Variants in CFAP299 observed in about 807,000 individuals in gnomAD.
CFAP299 encodes cilia- and flagella-associated protein 299.
In CFAP299, 21 loss-of-function variants were observed where a neutral mutation model predicts 27.0. That is an observed-to-expected ratio of 0.78 (90% CI 0.55 to 1.12). The LOEUF is 1.12. Ranked by LOEUF, CFAP299 falls within the 50% of genes most tolerant of loss-of-function variation. The pLI, the probability that CFAP299 is intolerant of heterozygous loss-of-function variation, is 0.00. For missense variants in CFAP299, 310 were observed against 276.6 expected, an observed-to-expected ratio of 1.12 and a Z score of -0.86; for synonymous variants, 104 against 98.1, an observed-to-expected ratio of 1.06 and a Z score of -0.36.
chr4:80,629,510 T>C (rs1739095406), intron 3 of CFAP299, among the ~76,000 whole-genome samples: 1 of 152,110 alleles, frequency 6.6e-6, no homozygotes, highest in African/African-American at 2.4e-5. Context: ...GGAATACATA[T>C]GCTAGTCAGT....
intron 2 of CFAP299, among the ~76,000 whole-genome samples, chr4:80,383,012 T>C (rs922217054): frequency 5.9e-5 from 9 of 152,074 alleles, no homozygotes; most frequent in African/African-American, 2.2e-4. Context: ...AAAAAATAAT[T>C]GGATTATGTC....
chr4:80,505,842 C>T (rs970714485), intron 2 of CFAP299, among the ~76,000 whole-genome samples: 7 of 151,740 alleles, frequency 4.6e-5, no homozygotes, highest in Non-Finnish European at 7.4e-5. Context: ...ACCTGTAGAC[C>T]CACCTACTTG....
chr4:80,903,885 G>T (rs1029156979), intron 4 of CFAP299, among the ~76,000 whole-genome samples: 8 of 152,086 alleles, frequency 5.3e-5, no homozygotes, highest in Non-Finnish European at 1.0e-4. Context: ...GAAAAATAAA[G>T]TTAAAGTCAT....
chr4:80,511,069 A>T lies in CFAP299; in HGVS notation c.243-72024A>T, dbSNP rs149831850. Among the ~76,000 whole-genome samples, 248 of 152,290 alleles carry T rather than the reference A, an allele frequency of 1.6e-3. 4 individuals carry two copies. The highest frequency in any genetic ancestry group is 5.8e-3 in the African/African-American group (240 of 41,568). Reference sequence around the variant, plus strand: ...TGGTCTAATTTTAATGTTCCTATTTACTGAAGAAGCAATATAATGCGGTGA... The same window carrying T: ...TGGTCTAATTTTAATGTTCCTATTTTCTGAAGAAGCAATATAATGCGGTGA... On this transcript the variant is annotated intron_variant, in intron 2 of 5. Transcript: ENST00000358105.
intron 2 of CFAP299, 141 bp downstream of exon 2, chr4:80,363,025 A>T: frequency 1.1e-6 from 1 of 921,642 alleles, no homozygotes; most frequent in Non-Finnish European, 1.5e-6. Flanking sequence ...TGTTCTGCAG[A>T]TGAGGAACTG....
intron 3 of CFAP299, among the ~76,000 whole-genome samples, chr4:80,707,045 A>C (rs141226331): frequency 1.3e-5 from 2 of 152,080 alleles, no homozygotes; most frequent in Non-Finnish European, 2.9e-5. Flanking sequence ...CTCTTATGTC[A>C]AGACTTAAGC....
intron 3 of CFAP299, among the ~76,000 whole-genome samples, chr4:80,763,206 G>A (rs549687407): frequency 1.6e-4 from 25 of 152,152 alleles, no homozygotes; most frequent in South Asian, 6.2e-4. Flanking sequence ...TAGAAAACCC[G>A]ATTGTCTCAG....
At chr4:80,671,579 C>T (rs1426484351) in intron 3 of CFAP299, among the ~76,000 whole-genome samples, 1 of 152,194 alleles carries the variant, frequency 6.6e-6, no homozygotes, top group Admixed American at 6.5e-5. Context: ...TATAAATTAC[C>T]TTGGGCAGTA....
intron 1 of CFAP299, among the ~76,000 whole-genome samples, chr4:80,346,848 A>G (rs557684391): frequency 2.0e-5 from 3 of 152,326 alleles, no homozygotes; most frequent in African/African-American, 7.2e-5. Flanking sequence ...CATTGAATCT[A>G]TAAATTACCT....
At chr4:80,632,918 C>T (rs1223324764) in intron 3 of CFAP299, among the ~76,000 whole-genome samples, 1 of 152,054 alleles carries the variant, frequency 6.6e-6, no homozygotes. Flanking sequence ...TTAAAAAGCA[C>T]AATCTTATCA....
intron 3 of CFAP299, among the ~76,000 whole-genome samples, chr4:80,765,271 T>C (rs1342354417): frequency 6.6e-6 from 1 of 152,178 alleles, no homozygotes; most frequent in Admixed American, 6.5e-5. Flanking sequence ...ATTGTACTCA[T>C]GTCTTCCAGG....
intron 2 of CFAP299, among the ~76,000 whole-genome samples, chr4:80,550,304 A>G (rs1734436596): frequency 6.6e-6 from 1 of 152,062 alleles, no homozygotes; most frequent in African/African-American, 2.4e-5. Context: ...CATTTAGTTA[A>G]TACTAGTATT....
intron 2 of CFAP299, among the ~76,000 whole-genome samples, chr4:80,538,821 C>T (rs148087598): frequency 9.9e-5 from 15 of 152,168 alleles, no homozygotes; most frequent in Admixed American, 2.0e-4. Flanking sequence ...AATATATACC[C>T]GTAAAGTGAT....
At chr4:80,470,587 G>A (rs954136616) in intron 2 of CFAP299, among the ~76,000 whole-genome samples, 2 of 151,942 alleles carry the variant, frequency 1.3e-5, no homozygotes, top group Admixed American at 6.6e-5. Flanking sequence ...TATTTTCTTC[G>A]ACTTCAATTG....
chr4:80,647,094 C>G (rs114505473), intron 3 of CFAP299, among the ~76,000 whole-genome samples: 3,145 of 151,550 alleles, frequency 0.021, 81 homozygotes, highest in South Asian at 0.053. Flanking sequence ...TATAGATAAA[C>G]CTCAAGTATT....
intron 1 of CFAP299, among the ~76,000 whole-genome samples, chr4:80,362,526 C>A (rs535236052): frequency 7.4e-6 from 1 of 134,652 alleles, no homozygotes; most frequent in Admixed American, 7.4e-5. Flanking sequence ...ATTTTTTTTT[C>A]ATCTTAAATA....
At chr4:80,551,019 G>A (rs558654946) in intron 2 of CFAP299, among the ~76,000 whole-genome samples, 1 of 152,256 alleles carries the variant, frequency 6.6e-6, no homozygotes, top group South Asian at 2.1e-4. Context: ...GCTGCTGGTA[G>A]CTCAGTTAAC....
At chr4:80,742,581 A>C (rs11729093) in intron 3 of CFAP299, among the ~76,000 whole-genome samples, 16,492 of 152,218 alleles carry the variant, frequency 0.11, 1,082 homozygotes, top group Middle Eastern at 0.2. Flanking sequence ...GAATAATGTT[A>C]ACCTTTAATA....
intron 2 of CFAP299, among the ~76,000 whole-genome samples, chr4:80,368,308 C>G (rs780534957): frequency 1.2e-4 from 19 of 152,146 alleles, no homozygotes; most frequent in Non-Finnish European, 2.5e-4. Flanking sequence ...AAGAGGATTT[C>G]TATGGTGATT....
Sources: gnomAD v4.1 joint callset for allele counts (sites outside exome capture counted in the v4.1 genomes callset) on GRCh38, gnomAD v4.1.1 for gene constraint, MANE v1.5 for transcripts, NCBI Gene and HGNC (gene_info 2026-07-23, HGNC 2026-07-21) for gene names.